The following TNIP1 variants were observed in gnomAD, a reference collection of about 807,000 sequenced individuals.
TNIP1 encodes the protein TNFAIP3 interacting protein 1.
Under a neutral mutation model 86.6 loss-of-function variants are expected in TNIP1, and 22 were observed. The observed-to-expected ratio is 0.25, with a 90% CI of 0.18 to 0.36. The LOEUF (loss-of-function observed/expected upper bound fraction) is 0.36. Among genes scored for constraint, TNIP1 ranks in the 10% least tolerant of loss-of-function variants. The pLI, the probability that TNIP1 is intolerant of heterozygous loss-of-function variation, is 1.00. For missense variants in TNIP1, 709 were observed against 820.6 expected (o/e 0.86, Z 1.66); for synonymous variants, 294 against 313.0 (o/e 0.94, Z 0.64).
At chr5:151,078,588 G>C (rs984600367) in intron 1 of TNIP1, 1 of 152,158 alleles carries the variant, frequency 6.6e-6, no homozygotes, top group African/African-American at 2.4e-5. Context: ...ATAGTAACGT[G>C]ACAGAAAGTG....
chr5:151,052,287 A>T (rs1760043087), intron 6 of TNIP1, 28 bp from the exon 7 acceptor site: 1 of 1,594,000 alleles, frequency 6.3e-7, no homozygotes, highest in South Asian at 1.1e-5. Context: ...AGACAGGGTG[A>T]GGGAAAGGAG....
In TNIP1 at chr5:151,032,373, G is replaced by T. The variant is rs923797614; in HGVS notation, c.1790C>A (p.Thr597Asn). 6.2e-7 allele frequency: 1 copy of T among 1,614,086 alleles called. No homozygotes were observed. Among genetic ancestry groups the T allele is most frequent in the Admixed American group, 1.7e-5 (1 of 59,988 alleles). Reference sequence around the variant, plus strand: ...AACCCCTCCACAGGGTAGACGCCAGGTGTATTCCGGCTGCGACAAAACTGG... The same window carrying T: ...AACCCCTCCACAGGGTAGACGCCAGTTGTATTCCGGCTGCGACAAAACTGG... Reference protein sequence around the residue: ...NSRLFHLPEYTWRLPCGGVRN... With the variant: ...NSRLFHLPEYNWRLPCGGVRN... Residue 597 changes from threonine (T) to asparagine (N), a missense_variant, in exon 17 of 18, where the codon ACC (threonine) becomes AAC (asparagine). Transcript: ENST00000521591.
intron 5 of TNIP1, among the ~76,000 whole-genome samples, chr5:151,057,780 A>G (rs900700428): frequency 6.6e-6 from 1 of 152,182 alleles, no homozygotes; most frequent in African/African-American, 2.4e-5. Context: ...ATTATTCCCT[A>G]AACAATACAG....
chr5:151,042,455 T>C, intron 11 of TNIP1, 85 bp downstream of exon 11: 5 of 1,553,182 alleles, frequency 3.2e-6, no homozygotes, highest in Non-Finnish European at 4.4e-6. Context: ...GTCTCCTGAC[T>C]CCTGCCCCTG....
chr5:151,084,841 T>C (rs543626541), upstream of TNIP1, among the ~76,000 whole-genome samples: 1 of 152,298 alleles, frequency 6.6e-6, no homozygotes, highest in East Asian at 1.9e-4. Flanking sequence ...TTTTTGGTGC[T>C]GGGTGTATGT....
At chr5:151,067,339 T>TACAGCATG (rs1238803768) in intron 1 of TNIP1, among the ~76,000 whole-genome samples, 1 of 152,254 alleles carries the variant, frequency 6.6e-6, no homozygotes, top group East Asian at 1.9e-4. Flanking sequence ...TGCCACCTGG[T>TACAGCATG]ACAGCATGTG....
At chr5:151,039,690 TTCCGTG>T (rs1758171833) in intron 11 of TNIP1, among the ~76,000 whole-genome samples, 1 of 152,224 alleles carries the variant, frequency 6.6e-6, no homozygotes, top group Admixed American at 6.5e-5. Context: ...CATGGGGGTC[TTCCGTG>T]ATCCACAGAA....
At chr5:151,049,165 A>G in intron 8 of TNIP1, among the ~76,000 whole-genome samples, 1 of 152,336 alleles carries the variant, frequency 6.6e-6, no homozygotes, top group South Asian at 2.1e-4. Context: ...AAACCCCATT[A>G]AAGGGTGAAG....
chr5:151,057,108 C>T (rs1760770221), intron 5 of TNIP1, 151 bp from the exon 6 acceptor site: 1 of 893,290 alleles, frequency 1.1e-6, no homozygotes, highest in South Asian at 2.6e-5. Flanking sequence ...TATGCAGGTT[C>T]CCTGTCTGGG....
At chr5:151,072,034 A>C (rs1260668518) in intron 1 of TNIP1, among the ~76,000 whole-genome samples, 2 of 152,260 alleles carry the variant, frequency 1.3e-5, no homozygotes, top group Non-Finnish European at 2.9e-5. Context: ...CACACTTTCC[A>C]GCAAGGAAAC....
At chr5:151,050,016 T>C in intron 7 of TNIP1, 69 bp from the exon 8 acceptor site, 1 of 1,602,958 alleles carries the variant, frequency 6.2e-7, no homozygotes, top group South Asian at 1.1e-5. Context: ...GGCTCCTTAA[T>C]GCTCACTATC....
chr5:151,083,419 C>T (rs780039939), upstream of TNIP1, among the ~76,000 whole-genome samples: 1 of 152,204 alleles, frequency 6.6e-6, no homozygotes, highest in Non-Finnish European at 1.5e-5. Flanking sequence ...CCATACACAT[C>T]CTCTGTGAGA....
chr5:151,060,356 G>C lies in TNIP1; in HGVS notation c.397C>G (p.Gln133Glu), dbSNP rs1761396189. The C allele has an allele frequency of 6.2e-7, 1 of 1,614,072 alleles. No individual in the cohort carries two copies. Among genetic ancestry groups the C allele is most frequent in the Non-Finnish European group, 8.5e-7 (1 of 1,180,048 alleles). Residue 133 changes from glutamine (Q) to glutamate (E), a missense_variant, in exon 5 of 18, where the codon CAG becomes GAG. Coordinates refer to ENST00000521591, the MANE Select transcript of TNIP1 (RefSeq NM_006058.5). ...TGGCTGCTGCTCTCTGGTGAATTCT[G>C]CTCCTCAGGAGTGACCACTTCAAAT... The part of the protein sequence containing the change: ...SEFEVVTPEE[Q>E]NSPESSSHAN...
intron 11 of TNIP1, among the ~76,000 whole-genome samples, chr5:151,041,997 A>G (rs942350520): frequency 6.9e-6 from 1 of 145,612 alleles, no homozygotes. Context: ...CTGGAGTGCG[A>G]TGGTGCAATC....
chr5:151,049,983 A>T (rs749846383), intron 7 of TNIP1, 36 bp from the exon 8 acceptor site: 4 of 1,612,854 alleles, frequency 2.5e-6, no homozygotes, highest in South Asian at 2.2e-5. Context: ...CACAATGCTG[A>T]CCCTGAGTTA....
intron 9 of TNIP1, 127 bp downstream of exon 9, chr5:151,045,734 G>C: frequency 1.2e-6 from 1 of 863,086 alleles, no homozygotes; most frequent in Non-Finnish European, 1.9e-6. Context: ...GCAGGTCAGT[G>C]GTCACCATGC....
chr5:151,086,563 A>C (rs1458630299), intron 1 of TNIP1, among the ~76,000 whole-genome samples: 2 of 152,134 alleles, frequency 1.3e-5, no homozygotes, highest in Non-Finnish European at 1.5e-5. Flanking sequence ...TACCCTCTCC[A>C]TCAAAAATTC....
At position 151,030,579 on chromosome 5, in the gene TNIP1, A is replaced by G; in HGVS notation, c.*134T>C. Reference sequence around the variant, plus strand: ...AGCTCAGTTCAGGGACTGGTGTACAAGCTGGCCACCCATCTCAGCCTCTCA... The same window carrying G: ...AGCTCAGTTCAGGGACTGGTGTACAGGCTGGCCACCCATCTCAGCCTCTCA... On this transcript the variant is annotated 3_prime_UTR_variant, in exon 18 of 18. Transcript: ENST00000521591. 1 of 1,460,008 alleles carries G rather than the reference A, an allele frequency of 6.8e-7. No homozygotes were observed. The highest frequency in any genetic ancestry group is 1.2e-5 in the South Asian group (1 of 82,906). 90.4% of individuals were successfully genotyped at this position (1,460,008 alleles called of 1,614,324 possible).
At chr5:151,075,580 A>G (rs1024255589) in intron 1 of TNIP1, among the ~76,000 whole-genome samples, 14 of 152,204 alleles carry the variant, frequency 9.2e-5, no homozygotes, top group Non-Finnish European at 2.9e-5. Flanking sequence ...ATAAGTGAGA[A>G]AATGCAGCAT....
Sources: allele counts gnomAD v4.1 joint callset (sites outside exome capture counted in the v4.1 genomes callset), GRCh38; gene constraint gnomAD v4.1.1; transcripts MANE v1.5; gene names NCBI Gene and HGNC (gene_info 2026-07-23, HGNC 2026-07-21).